Variants in USP7 observed in about 807,000 individuals in gnomAD.
USP7 encodes ubiquitin C-terminal hydrolase 7.
In USP7, 9 loss-of-function variants were observed where a neutral mutation model predicts 162.9. That is an observed-to-expected ratio of 0.06 (90% confidence interval 0.03 to 0.10). The LOEUF (loss-of-function observed/expected upper bound fraction) is 0.10. Ranked by LOEUF, USP7 falls within the 10% of genes least tolerant of loss-of-function variation. The probability of loss-of-function intolerance (pLI) is 1.00; values close to 1 mark genes in which losing one functional copy is unlikely to be tolerated. For missense variants in USP7, 715 were observed against 1,373.7 expected (o/e 0.52, Z 7.58); for synonymous variants, 562 against 475.9 (o/e 1.18, Z -2.35).
At chr16:8,900,031 C>T (rs2061749224) in intron 21 of USP7, 2 of 526,852 alleles carry the variant, frequency 3.8e-6, no homozygotes, top group Non-Finnish European at 6.7e-6. Flanking sequence ...CACCTGCTCT[C>T]CTCTACAGGA....
chr16:8,903,471 T>C lies in USP7; in HGVS notation c.1705-69A>G, dbSNP rs185791202. On this transcript the variant is annotated intron_variant, in intron 15 of 30. Coordinates refer to ENST00000344836, the MANE Select transcript of USP7 (RefSeq NM_003470.3). ...AAAAAATGAGTCCACACTGAACACA[T>C]TTAAACACTAAAACGCTGAAAACTC... 1.6e-5 allele frequency: 24 copies of C among 1,507,128 alleles called. No individual in the cohort carries two copies. In the African/African-American group the frequency reaches 2.9e-4, roughly 19 times the overall value. 93.4% of individuals were successfully genotyped at this position (1,507,128 alleles called of 1,614,324 possible).
Position 8,930,388 on chromosome 16 carries a change from G to T in USP7, c.89C>A (p.Thr30Lys), listed in dbSNP as rs1898249462. The T allele has an allele frequency of 6.2e-7, 1 of 1,607,184 alleles. No homozygotes were observed. Among genetic ancestry groups the T allele is most frequent in the African/African-American group, 1.3e-5 (1 of 74,416 alleles). ...PEDMEMEAGD[T>K]DDPPRITQNP... ...CTGAGTAATTCTTGGTGGGTCATCT[G>T]TATCTCCCGCTTTAAAGAAGAAAAA... Residue 30 changes from threonine (T) to lysine (K), a missense_variant, in exon 2 of 31, where the codon ACA (threonine) becomes AAA (lysine). By Grantham distance (78) the Thr-to-Lys change is moderately conservative (BLOSUM62 -1). This residue lies in a region of USP7 where 137 missense variants were observed against 123.5 expected (regional missense o/e 1.11). Coordinates refer to ENST00000344836, the MANE Select transcript of USP7 (RefSeq NM_003470.3).
At chr16:8,933,866 CT>C (rs1181380999) in intron 1 of USP7, among the ~76,000 whole-genome samples, 1 of 151,960 alleles carries the variant, frequency 6.6e-6, no homozygotes, top group African/African-American at 2.4e-5. Flanking sequence ...AATAATCCTC[CT>C]GCCTCAGCCT....
intron 1 of USP7, among the ~76,000 whole-genome samples, chr16:8,946,693 C>T (rs1231306929): frequency 6.6e-6 from 1 of 152,178 alleles, no homozygotes; most frequent in Non-Finnish European, 1.5e-5. Context: ...CTGGCCTATA[C>T]CCCAGCCCCA....
At chr16:8,906,975 T>G (rs543829623) in intron 12 of USP7, among the ~76,000 whole-genome samples, 9 of 152,378 alleles carry the variant, frequency 5.9e-5, no homozygotes, top group African/African-American at 1.9e-4. Context: ...GACTTAGTTT[T>G]AACTGGCTCT....
chr16:8,893,913 G>C lies in USP7; in HGVS notation c.*85C>G, dbSNP rs1011786027. On this transcript the variant is annotated 3_prime_UTR_variant, in exon 31 of 31. Coordinates refer to ENST00000344836, the MANE Select transcript of USP7 (RefSeq NM_003470.3). ...AGCGAATCCTCTTGCTGAAGACTTCGGCTAGAGGGCACGTGCACCAAAGTT... is the reference window on the plus strand; with the variant it reads ...AGCGAATCCTCTTGCTGAAGACTTCCGCTAGAGGGCACGTGCACCAAAGTT... The C allele has an allele frequency of 8.5e-6, 10 of 1,177,576 alleles. No individual in the cohort carries two copies. In the East Asian group the frequency reaches 1.4e-4, roughly 17 times the overall value. 72.9% of individuals were successfully genotyped at this position (1,177,576 alleles called of 1,614,324 possible). A position where few individuals can be genotyped will look rare whatever the true frequency, so the allele number is the denominator to read the frequency against.
intron 15 of USP7, among the ~76,000 whole-genome samples, chr16:8,904,007 T>C (rs1459999110): frequency 2.0e-5 from 3 of 152,182 alleles, no homozygotes; most frequent in Non-Finnish European, 4.4e-5. Flanking sequence ...CTCAGTACTT[T>C]TTGAAGCAAC....
chr16:8,949,917 AAGG>A (rs1899472698), intron 1 of USP7, among the ~76,000 whole-genome samples: 1 of 152,200 alleles, frequency 6.6e-6, no homozygotes, highest in Non-Finnish European at 1.5e-5. Flanking sequence ...CATACTGGTC[AAGG>A]AGGTCTAACG....
chr16:8,953,090 T>C (rs1289462051), intron 1 of USP7, among the ~76,000 whole-genome samples: 2 of 152,112 alleles, frequency 1.3e-5, no homozygotes, highest in African/African-American at 4.8e-5. Context: ...CGCCTTGGCC[T>C]CCCGAAATGC....
At chr16:8,907,136 C>G (rs970423665) in intron 12 of USP7, among the ~76,000 whole-genome samples, 31 of 152,224 alleles carry the variant, frequency 2.0e-4, no homozygotes, top group Admixed American at 7.2e-4. Flanking sequence ...GCCCCTGCGG[C>G]CTTCAGGAAT....
chr16:8,936,382 A>G (rs1226177052), intron 1 of USP7, among the ~76,000 whole-genome samples: 1 of 152,148 alleles, frequency 6.6e-6, no homozygotes, highest in Non-Finnish European at 1.5e-5. Flanking sequence ...CTCTCCCCAC[A>G]ATGAACTCAT....
rs1453485369 is a variant in USP7 at position 8,893,756 on chromosome 16, G to A, written c.*242C>T. The stretch of plus-strand genomic sequence containing the variant: ...ATTGCGCTGACAGTTGCCTTGCACT[G>A]TGGTTACCATAAAATAACTCTCATT... On this transcript the variant is annotated 3_prime_UTR_variant, in exon 31 of 31. Transcript: ENST00000344836. The A allele has an allele frequency of 4.3e-6, 2 of 460,644 alleles. No homozygotes were observed. Among genetic ancestry groups the A allele is most frequent in the Non-Finnish European group, 8.0e-6 (2 of 249,538 alleles). The allele number at this position is 460,644 out of a possible 1,614,324, so 28.5% of individuals were successfully genotyped here.
At position 8,892,396 on chromosome 16, in the gene USP7, G is replaced by A. The variant is rs1177647759; in HGVS notation, c.*1602C>T. The A allele has an allele frequency of 6.6e-6, 1 of 152,300 alleles. No homozygotes were observed. The highest frequency in any genetic ancestry group is 2.1e-4 in the South Asian group (1 of 4,832). The allele number at this position is 152,300 out of a possible 1,614,324, so 9.4% of individuals were successfully genotyped here. A position where few individuals can be genotyped will look rare whatever the true frequency, so the allele number is the denominator to read the frequency against. On this transcript the variant is annotated 3_prime_UTR_variant, in exon 31 of 31. Coordinates refer to ENST00000344836, the MANE Select transcript of USP7 (RefSeq NM_003470.3). ...AAGTTGAGAAAGGAAGTCACTCCAA[G>A]GTACACACTGGCCCAAAGACCAGGA...
chr16:8,923,085 G>A (rs1046562776), intron 3 of USP7, 130 bp downstream of exon 3: 4 of 644,986 alleles, frequency 6.2e-6, no homozygotes, highest in South Asian at 1.9e-5. Context: ...ATATACCAGT[G>A]GGTTTTAAAG....
intron 1 of USP7, among the ~76,000 whole-genome samples, chr16:8,956,656 G>C (rs28727382): frequency 0.33 from 50,829 of 151,884 alleles, 10,177 homozygotes; most frequent in African/African-American, 0.56. Flanking sequence ...CCAGCTACTC[G>C]GGAGGCTGAG....
At chr16:8,908,592 G>GTC in intron 11 of USP7, 142 bp from the exon 12 acceptor site, 1 of 638,872 alleles carries the variant, frequency 1.6e-6, no homozygotes, top group Non-Finnish European at 2.7e-6. Context: ...TCCATTTAGG[G>GTC]CATCTTTGAA....
Position 8,900,512 on chromosome 16 carries a change from C to A in USP7, c.2309+18G>T. 1 of 1,553,914 alleles carries A rather than the reference C, an allele frequency of 6.4e-7. No homozygotes were observed. Among genetic ancestry groups the A allele is most frequent in the Non-Finnish European group, 8.7e-7 (1 of 1,143,412 alleles). The stretch of plus-strand genomic sequence containing the variant: ...TGAAATTAGTACAAAGTGATACAAT[C>A]CTTCACAAAGTACATACTTCTGAAA... On this transcript the variant is annotated intron_variant, in intron 21 of 30. Transcript: ENST00000344836.
chr16:8,915,421 C>A (rs745946165), intron 9 of USP7, 24 bp downstream of exon 9: 2 of 1,613,692 alleles, frequency 1.2e-6, no homozygotes, highest in African/African-American at 1.3e-5. Context: ...TAAAAATCAT[C>A]TTTTAGAACT....
At chr16:8,954,732 T>C (rs1294395119) in intron 1 of USP7, among the ~76,000 whole-genome samples, 3 of 152,210 alleles carry the variant, frequency 2.0e-5, no homozygotes, top group African/African-American at 4.8e-5. Context: ...ATCCCAGCAC[T>C]TTGGGGGTCT....
Sources: gnomAD v4.1 joint callset for allele counts (sites outside exome capture counted in the v4.1 genomes callset) on GRCh38, gnomAD v4.1.1 for gene constraint, gnomAD v4.1.1 regional missense constraint, MANE v1.5 for transcripts, NCBI Gene and HGNC (gene_info 2026-07-23, HGNC 2026-07-21) for gene names.